Variants in NEU3 observed in about 807,000 individuals in gnomAD.
The protein encoded by NEU3 is neuraminidase 3, also known as sialidase-3.
Under a neutral mutation model 11.4 loss-of-function variants are expected in NEU3, and 10 were observed. The observed-to-expected ratio is 0.88, with a 90% CI of 0.54 to 1.49. NEU3 has a LOEUF of 1.49. Ranked by LOEUF, NEU3 falls within the 40% of genes most tolerant of loss-of-function variation. NEU3 has a pLI of 0.00. For synonymous variants in NEU3, 212 were observed against 228.2 expected (o/e 0.93, Z 0.64); for missense variants, 529 against 581.8 (o/e 0.91, Z 0.93).
At chr11:74,988,715 TG>T (rs1241543486), upstream of NEU3, 2 of 341,762 alleles carry the variant, frequency 5.9e-6, no homozygotes, top group Non-Finnish European at 1.1e-5. Flanking sequence ...AGGCGGCCGT[TG>T]GGAACTGAGG....
chr11:74,988,326 G>A (rs1302537393), upstream of NEU3: 2 of 152,092 alleles, frequency 1.3e-5, no homozygotes, highest in Non-Finnish European at 2.9e-5. Flanking sequence ...TAAGCCACCA[G>A]GCCCAGCCTA....
intron 2 of NEU3, among the ~76,000 whole-genome samples, chr11:74,997,218 T>C (rs886418904): frequency 1.3e-5 from 2 of 152,242 alleles, no homozygotes; most frequent in Non-Finnish European, 2.9e-5. Context: ...TTACCTTAAC[T>C]AGATCTTCTG....
chr11:74,983,294 A>T (rs1448520817), upstream of NEU3, among the ~76,000 whole-genome samples: 2 of 152,216 alleles, frequency 1.3e-5, no homozygotes, highest in Non-Finnish European at 2.9e-5. Context: ...GAAAGTTTAT[A>T]AGTCTCCCAT....
chr11:75,006,889 A>G lies in NEU3; in HGVS notation c.*397A>G. On this transcript the variant is annotated 3_prime_UTR_variant, in exon 3 of 3. Coordinates refer to ENST00000294064, the MANE Select transcript of NEU3 (RefSeq NM_006656.6). ...TGGCTGCATAAAGGACTCTGATGTC[A>G]AAATGGAAACCAGGGGACTTACCTT... 6.1e-6 allele frequency: 1 copy of G among 163,878 alleles called. No homozygotes were observed. The highest frequency in any genetic ancestry group is 1.3e-5 in the Non-Finnish European group (1 of 75,418). 10.2% of individuals were successfully genotyped at this position (163,878 alleles called of 1,614,324 possible). A position where few individuals can be genotyped will look rare whatever the true frequency, so the allele number is the denominator to read the frequency against.
At chr11:74,999,267 C>T (rs914945941) in intron 2 of NEU3, among the ~76,000 whole-genome samples, 1 of 152,210 alleles carries the variant, frequency 6.6e-6, no homozygotes, top group African/African-American at 2.4e-5. Context: ...TCACCTAAGC[C>T]TCCTGAGTAG....
At chr11:74,985,977 A>G (rs1948663687), upstream of NEU3, among the ~76,000 whole-genome samples, 1 of 152,226 alleles carries the variant, frequency 6.6e-6, no homozygotes, top group African/African-American at 2.4e-5. Flanking sequence ...GGTGACTGGG[A>G]ACACTTTGAG....
At position 75,009,739 on chromosome 11, in the gene NEU3, T is replaced by C. The variant is rs1318907526; in HGVS notation, c.*3247T>C. Reference sequence around the variant, plus strand: ...GGAAGCATGGGTAGGGGCCTCCTGCTGCTGGTATGTACCCAGGCCAGCCTC... The same window carrying C: ...GGAAGCATGGGTAGGGGCCTCCTGCCGCTGGTATGTACCCAGGCCAGCCTC... On this transcript the variant is annotated 3_prime_UTR_variant, in exon 3 of 3. Coordinates refer to ENST00000294064, the MANE Select transcript of NEU3 (RefSeq NM_006656.6). 6.6e-6 allele frequency: 1 copy of C among 152,290 alleles called. No homozygotes were observed. Among genetic ancestry groups the C allele is most frequent in the East Asian group, 1.9e-4 (1 of 5,200 alleles). The allele number at this position is 152,290 out of a possible 1,614,324, so 9.4% of individuals were successfully genotyped here. A position where few individuals can be genotyped will look rare whatever the true frequency, so the allele number is the denominator to read the frequency against.
At chr11:74,988,794 C>G (rs115295402), upstream of NEU3, 452 of 488,490 alleles carry the variant, frequency 9.3e-4, 2 homozygotes, top group African/African-American at 9.5e-3. Flanking sequence ...TGGTGGGGAC[C>G]GAGCTGCGGG....
chr11:75,001,072 A>T (rs2140245417), intron 2 of NEU3, among the ~76,000 whole-genome samples: 1 of 152,184 alleles, frequency 6.6e-6, no homozygotes, highest in South Asian at 2.1e-4. Flanking sequence ...TTATATTCCT[A>T]CCAACAGTAC....
the NEU3 span, among the ~76,000 whole-genome samples, chr11:74,981,676 C>T: frequency 1.3e-5 from 2 of 152,108 alleles, no homozygotes; most frequent in East Asian, 1.9e-4. Flanking sequence ...ATGAAAGCAT[C>T]GCAGGCTAAC....
rs928948741 is a variant in NEU3 at position 75,008,106 on chromosome 11, T to C, written c.*1614T>C. The stretch of plus-strand genomic sequence containing the variant: ...AGGTAATCTTCCCAATACACAATTA[T>C]TCACTCATGTATACATTTATCTAAA... On this transcript the variant is annotated 3_prime_UTR_variant, in exon 3 of 3. Coordinates refer to ENST00000294064, the MANE Select transcript of NEU3 (RefSeq NM_006656.6). 3.3e-5 allele frequency: 5 copies of C among 152,188 alleles called. No individual in the cohort carries two copies. The highest frequency in any genetic ancestry group is 1.2e-4 in the African/African-American group (5 of 41,436). 9.4% of individuals were successfully genotyped at this position (152,188 alleles called of 1,614,324 possible). A position where few individuals can be genotyped will look rare whatever the true frequency, so the allele number is the denominator to read the frequency against.
chr11:74,989,019 C>T lies in NEU3; in HGVS notation c.-42C>T. The stretch of plus-strand genomic sequence containing the variant: ...CCTCTCTATCCTCCTCTGTCTCAGT[C>T]TCCCCAGCCTTGGGGCCGGTGCCTC... On this transcript the variant is annotated 5_prime_UTR_variant, in exon 1 of 3. Coordinates refer to ENST00000294064, the MANE Select transcript of NEU3 (RefSeq NM_006656.6). 6.9e-7 allele frequency: 1 copy of T among 1,447,718 alleles called. No homozygotes were observed. The highest frequency in any genetic ancestry group is 9.5e-7 in the Non-Finnish European group (1 of 1,055,392). The allele number at this position is 1,447,718 out of a possible 1,614,324, so 89.7% of individuals were successfully genotyped here. A position where few individuals can be genotyped will look rare whatever the true frequency, so the allele number is the denominator to read the frequency against.
intron 2 of NEU3, chr11:74,995,176 C>T (rs975429550): frequency 7.6e-6 from 3 of 397,304 alleles, no homozygotes; most frequent in South Asian, 6.5e-5. Context: ...ATGAGAGATC[C>T]TAGTGCTCCA....
chr11:75,001,246 C>T (rs1948841287), intron 2 of NEU3, among the ~76,000 whole-genome samples: 1 of 150,524 alleles, frequency 6.6e-6, no homozygotes, highest in Non-Finnish European at 1.5e-5. Flanking sequence ...GCTTGTTGGC[C>T]ATTACGTTTG....
intron 2 of NEU3, 126 bp from the exon 3 acceptor site, chr11:75,005,287 G>A: frequency 2.0e-6 from 2 of 990,242 alleles, no homozygotes; most frequent in Non-Finnish European, 2.9e-6. Context: ...GAGTAGTTAG[G>A]CCTTCGTGAT....
intron 2 of NEU3, 37 bp from the exon 3 acceptor site, chr11:75,005,376 G>A (rs1177661902): frequency 1.3e-6 from 2 of 1,511,052 alleles, no homozygotes; most frequent in Non-Finnish European, 8.9e-7. Context: ...TTTCCTATTA[G>A]TATCTCACTC....
chr11:74,990,261 C>T (rs1948715319), intron 1 of NEU3: 1 of 439,164 alleles, frequency 2.3e-6, no homozygotes. Flanking sequence ...GAGTAACCAT[C>T]AAAACGTCAT....
chr11:74,985,916 T>C (rs1035689174), upstream of NEU3, among the ~76,000 whole-genome samples: 4 of 152,202 alleles, frequency 2.6e-5, no homozygotes, highest in African/African-American at 9.7e-5. Context: ...CCACCATAAA[T>C]CATACTGCAA....
chr11:75,003,903 AT>A (rs1045429264), intron 2 of NEU3, among the ~76,000 whole-genome samples: 1 of 152,068 alleles, frequency 6.6e-6, no homozygotes, highest in Admixed American at 6.6e-5. Flanking sequence ...AAAAAAAATT[AT>A]GGAAATCTTT....
Sources: allele counts gnomAD v4.1 joint callset (sites outside exome capture counted in the v4.1 genomes callset), GRCh38; gene constraint gnomAD v4.1.1; transcripts MANE v1.5; gene names NCBI Gene and HGNC (gene_info 2026-07-23, HGNC 2026-07-21).